Variants in CDH9 observed in about 807,000 individuals in gnomAD.
CDH9 encodes the protein cadherin-9.
In CDH9, 28 loss-of-function variants were observed where a neutral mutation model predicts 70.9. The ratio of observed to expected loss-of-function variants is 0.40; its 90% CI spans 0.29 to 0.54. The LOEUF is 0.54. Among genes scored for constraint, CDH9 ranks in the 20% least tolerant of loss-of-function variants. The pLI, the probability that CDH9 is intolerant of heterozygous loss-of-function variation, is 0.59. For missense variants in CDH9, 874 were observed against 984.4 expected (o/e 0.89, Z 1.50); for synonymous variants, 409 against 343.1 (o/e 1.19, Z -2.12).
intron 1 of CDH9, among the ~76,000 whole-genome samples, chr5:26,989,191 C>T (rs970631041): frequency 2.0e-5 from 3 of 151,892 alleles, no homozygotes; most frequent in African/African-American, 7.2e-5. Context: ...AACAATGTCT[C>T]CCTGTTAATA....
Position 26,903,736 on chromosome 5 carries a change from AT to A in CDH9, c.899del (p.Asn300MetfsTer30). The A allele has an allele frequency of 1.2e-6, 2 of 1,607,590 alleles. No individual in the cohort carries two copies. Among genetic ancestry groups the A allele is most frequent in the Non-Finnish European group, 1.7e-6 (2 of 1,175,744 alleles). On this transcript the variant is annotated frameshift_variant, in exon 6 of 12. Transcript: ENST00000231021. LOFTEE classifies it high-confidence loss of function. ...IKANDPDVGE[N>X]AEMEYSIAEG... Reference sequence around the variant, plus strand: ...CAGCAATGCTATACTCCATTTCTGCATTTTCCCCCACGTCAGGGTCATTGGC... The same window carrying A: ...CAGCAATGCTATACTCCATTTCTGCATTTCCCCCACGTCAGGGTCATTGGC...
chr5:26,911,232 C>T (rs527668415), intron 3 of CDH9, among the ~76,000 whole-genome samples: 125 of 152,000 alleles, frequency 8.2e-4, no homozygotes, highest in African/African-American at 2.8e-3. Context: ...TGGGCCTTGG[C>T]GTACATAGAA....
intron 2 of CDH9, among the ~76,000 whole-genome samples, chr5:26,958,806 A>T (rs952438997): frequency 2.6e-5 from 4 of 152,202 alleles, no homozygotes; most frequent in Non-Finnish European, 4.4e-5. Context: ...AAATATTAAT[A>T]AGAATGACTG....
At chr5:26,995,590 A>G (rs1293878012) in intron 1 of CDH9, among the ~76,000 whole-genome samples, 7 of 152,114 alleles carry the variant, frequency 4.6e-5, no homozygotes, top group African/African-American at 1.7e-4. Context: ...CTTGGGGCCA[A>G]TTTAACACCT....
intron 1 of CDH9, among the ~76,000 whole-genome samples, chr5:26,997,796 T>G (rs1742692647): frequency 6.6e-6 from 1 of 151,430 alleles, no homozygotes; most frequent in South Asian, 2.1e-4. Context: ...GCCTCCTGGG[T>G]TCAAGCGATC....
intron 2 of CDH9, among the ~76,000 whole-genome samples, chr5:26,965,065 G>T (rs939658108): frequency 1.3e-5 from 2 of 151,792 alleles, no homozygotes; most frequent in Non-Finnish European, 2.9e-5. Flanking sequence ...ATTCTTATTG[G>T]TCTCTTACTG....
At chr5:27,002,635 C>T (rs1283331926) in intron 1 of CDH9, among the ~76,000 whole-genome samples, 1 of 152,090 alleles carries the variant, frequency 6.6e-6, no homozygotes, top group African/African-American at 2.4e-5. Flanking sequence ...ATGGATGAAG[C>T]TGGAAACCAT....
At chr5:27,031,006 T>C (rs1743301780) in intron 1 of CDH9, among the ~76,000 whole-genome samples, 1 of 151,870 alleles carries the variant, frequency 6.6e-6, no homozygotes, top group Non-Finnish European at 1.5e-5. Flanking sequence ...CAGGCTAACA[T>C]TGGTTACAAA....
chr5:27,020,512 T>C (rs1369195923), intron 1 of CDH9, among the ~76,000 whole-genome samples: 1 of 151,730 alleles, frequency 6.6e-6, no homozygotes, highest in Non-Finnish European at 1.5e-5. Flanking sequence ...TGAATTATTT[T>C]AGTGTTAGTA....
At position 26,889,964 on chromosome 5, in the gene CDH9, C is replaced by A. The variant is rs767861614; in HGVS notation, c.1391-7G>T. 4 of 1,608,802 alleles carry A rather than the reference C, an allele frequency of 2.5e-6. No homozygotes were observed. Among genetic ancestry groups the A allele is most frequent in the African/African-American group, 1.3e-5 (1 of 74,518 alleles). ...CTACTTTGTTTTGGGTTATCTGCAA[C>A]GAGAACACGTGTAAGATTTCAGTCT... is the stretch of plus-strand genomic sequence containing the variant. On this transcript the variant is annotated splice_region_variant and splice_polypyrimidine_tract_variant and intron_variant, in intron 8 of 11. Transcript: ENST00000231021.
At chr5:27,034,596 C>T (rs986854653) in intron 1 of CDH9, among the ~76,000 whole-genome samples, 4 of 151,522 alleles carry the variant, frequency 2.6e-5, no homozygotes, top group East Asian at 1.9e-4. Flanking sequence ...CACACACACA[C>T]GCACACAGAG....
intron 2 of CDH9, among the ~76,000 whole-genome samples, chr5:26,940,319 G>C (rs981259931): frequency 6.6e-6 from 1 of 152,042 alleles, no homozygotes; most frequent in African/African-American, 2.4e-5. Context: ...ATTTTCAGAG[G>C]CTTTTAACTT....
At chr5:26,995,432 G>T (rs1470998847) in intron 1 of CDH9, among the ~76,000 whole-genome samples, 2 of 152,064 alleles carry the variant, frequency 1.3e-5, no homozygotes, top group African/African-American at 4.8e-5. Context: ...TGCATAACAT[G>T]AGATTCTGTA....
chr5:26,988,997 A>G (rs980438377), intron 1 of CDH9, among the ~76,000 whole-genome samples: 2 of 152,032 alleles, frequency 1.3e-5, no homozygotes, highest in East Asian at 1.9e-4. Context: ...CCAACAATTA[A>G]TCTAGTAGGA....
chr5:26,982,856 T>C (rs1192503936), intron 2 of CDH9, among the ~76,000 whole-genome samples: 1 of 151,882 alleles, frequency 6.6e-6, no homozygotes. Context: ...ATAATATTTG[T>C]ATTTTTTTTT....
chr5:27,026,279 TG>T (rs1258804333), intron 1 of CDH9, among the ~76,000 whole-genome samples: 1 of 151,992 alleles, frequency 6.6e-6, no homozygotes, highest in African/African-American at 2.4e-5. Flanking sequence ...TATAACAATG[TG>T]GGGTTTATGA....
At chr5:26,997,515 A>C (rs528330407) in intron 1 of CDH9, among the ~76,000 whole-genome samples, 1 of 152,262 alleles carries the variant, frequency 6.6e-6, no homozygotes, top group Admixed American at 6.5e-5. Context: ...AGAGTGATAT[A>C]ATATTGTATA....
Position 26,927,530 on chromosome 5 carries a change from C to T in CDH9, c.229-11606G>A, listed in dbSNP as rs192778515. On this transcript the variant is annotated intron_variant, in intron 2 of 11. Transcript: ENST00000231021. ...ACTTAGACCTAGTCCGGCTCTATCA[C>T]ATACCGGGTTTGTGGTCATTAGCAA... 3.1e-3 allele frequency among the ~76,000 whole-genome samples: 473 copies of T among 152,194 alleles called. 1 individual carries two copies. The highest frequency in any genetic ancestry group is 5.2e-3 in the Admixed American group (80 of 15,248).
chr5:26,920,582 G>A lies in CDH9; in HGVS notation c.229-4658C>T, dbSNP rs1371104894. ...GGAGACACCCAGTGCAGTCCCAGTG[G>A]CGGGGGCCACAGGGGTGCTTGTGTC... On this transcript the variant is annotated intron_variant, in intron 2 of 11. Transcript: ENST00000231021. Among the ~76,000 whole-genome samples the A allele has an allele frequency of 2.0e-5, 3 of 152,106 alleles. No individual in the cohort carries two copies. In the East Asian group the frequency reaches 5.9e-4, roughly 30 times the overall value.
Sources: gnomAD v4.1 joint callset for allele counts (sites outside exome capture counted in the v4.1 genomes callset) on GRCh38, gnomAD v4.1.1 for gene constraint, MANE v1.5 for transcripts, NCBI Gene and HGNC (gene_info 2026-07-23, HGNC 2026-07-21) for gene names.